PLCXD3: variants seen among roughly 807,000 people sequenced by gnomAD.
PLCXD3 encodes phosphatidylinositol specific phospholipase C X domain containing 3, also known as PI-PLC X domain-containing protein 3.
In PLCXD3, 19 loss-of-function variants were observed where a neutral mutation model predicts 25.5. The ratio of observed to expected loss-of-function variants is 0.75; its 90% confidence interval spans 0.52 to 1.09. PLCXD3 has a LOEUF of 1.09. PLCXD3 is among the 50% of genes least tolerant of loss of function. The pLI is 0.00. For missense variants in PLCXD3, 411 were observed against 388.1 expected (o/e 1.06, Z -0.50); for synonymous variants, 174 against 137.6 (o/e 1.26, Z -1.85).
intron 1 of PLCXD3, among the ~76,000 whole-genome samples, chr5:41,499,189 T>C (rs1451842291): frequency 6.6e-6 from 1 of 151,364 alleles, no homozygotes; most frequent in South Asian, 2.1e-4. Context: ...AGAAAATGTA[T>C]CTAAATAGAA....
intron 2 of PLCXD3, among the ~76,000 whole-genome samples, chr5:41,323,300 T>C (rs927040503): frequency 1.3e-5 from 2 of 152,178 alleles, no homozygotes; most frequent in Non-Finnish European, 2.9e-5. Flanking sequence ...TGAGATCTAT[T>C]TGATAGCACA....
chr5:41,400,174 A>G (rs1336412295), intron 1 of PLCXD3, among the ~76,000 whole-genome samples: 4 of 152,228 alleles, frequency 2.6e-5, no homozygotes, highest in Non-Finnish European at 4.4e-5. Flanking sequence ...CTTATATACA[A>G]AGAGAGCCAA....
chr5:41,341,328 C>T (rs1439567026), intron 2 of PLCXD3, among the ~76,000 whole-genome samples: 1 of 152,158 alleles, frequency 6.6e-6, no homozygotes, highest in Admixed American at 6.5e-5. Flanking sequence ...GAAACCAAGA[C>T]TGTGACTCCA....
chr5:41,483,438 C>G (rs1003331929), intron 1 of PLCXD3, among the ~76,000 whole-genome samples: 5 of 151,964 alleles, frequency 3.3e-5, no homozygotes, highest in Admixed American at 2.0e-4. Context: ...TGTTTCTGAG[C>G]CTTGAGACCC....
In PLCXD3 at chr5:41,423,009, T is replaced by TA. The variant is rs535674158; in HGVS notation, c.104-40476dup. 3.5e-4 allele frequency among the ~76,000 whole-genome samples: 53 copies of TA among 152,118 alleles called. 1 individual carries two copies. The East Asian group carries it at 8.9e-3, about 25-fold the overall frequency. On this transcript the variant is annotated intron_variant, in intron 1 of 2. Coordinates refer to ENST00000377801, the MANE Select transcript of PLCXD3 (RefSeq NM_001005473.3). ...AATTTTCTAAAAAGTATTAATTTTT[T>TA]AAAAAAAATTATGAATGGGTGTTGA...
intron 1 of PLCXD3, among the ~76,000 whole-genome samples, chr5:41,438,802 G>GAA (rs35050344): frequency 5.2e-5 from 7 of 133,774 alleles, no homozygotes; most frequent in African/African-American, 1.2e-4. Context: ...CTGTCATTAG[G>GAA]AAAAAAAAAA....
At chr5:41,360,003 C>G (rs746561957) in intron 2 of PLCXD3, among the ~76,000 whole-genome samples, 1 of 152,170 alleles carries the variant, frequency 6.6e-6, no homozygotes, top group Non-Finnish European at 1.5e-5. Context: ...AACACAGTCA[C>G]AAACTTCTCG....
At chr5:41,458,670 A>T (rs969523233) in intron 1 of PLCXD3, among the ~76,000 whole-genome samples, 2 of 151,950 alleles carry the variant, frequency 1.3e-5, no homozygotes, top group Non-Finnish European at 2.9e-5. Context: ...TCCCATGGAA[A>T]TCTGAATGCT....
In PLCXD3 at chr5:41,375,333, C is replaced by T. The variant is rs375803576; in HGVS notation, c.812+6493G>A. Among the ~76,000 whole-genome samples the T allele has an allele frequency of 1.2e-4, 19 of 152,188 alleles. No individual in the cohort carries two copies. In the South Asian group the frequency reaches 1.9e-3, roughly 15 times the overall value. ...AGCCCTTCCATGTTAGTATGTGCAG[C>T]CTGGTATGCTCTGCCCCCTTCACCC... On this transcript the variant is annotated intron_variant, in intron 2 of 2. Transcript: ENST00000377801.
intron 1 of PLCXD3, among the ~76,000 whole-genome samples, chr5:41,492,883 C>T (rs1233046432): frequency 6.6e-6 from 1 of 152,200 alleles, no homozygotes; most frequent in Non-Finnish European, 1.5e-5. Flanking sequence ...GAATTTCCTC[C>T]TGTAGCTCAG....
chr5:41,450,956 T>C (rs1170760929), intron 1 of PLCXD3, among the ~76,000 whole-genome samples: 3 of 151,990 alleles, frequency 2.0e-5, no homozygotes, highest in Non-Finnish European at 4.4e-5. Context: ...AAGTTGGAGG[T>C]TGAGCTTCCT....
rs151068351 is a variant in PLCXD3 at position 41,409,431 on chromosome 5, G to T, written c.104-26897C>A. On this transcript the variant is annotated intron_variant, in intron 1 of 2. Coordinates refer to ENST00000377801, the MANE Select transcript of PLCXD3 (RefSeq NM_001005473.3). Reference sequence around the variant, plus strand: ...TGCCTGCGATACTCTGCCCCTCATTGTGTGCATGGCTAGCACCTTTTCATT... The same window carrying T: ...TGCCTGCGATACTCTGCCCCTCATTTTGTGCATGGCTAGCACCTTTTCATT... Among the ~76,000 whole-genome samples, 710 of 152,224 alleles carry T rather than the reference G, an allele frequency of 4.7e-3. 9 individuals carry two copies. Among genetic ancestry groups the T allele is most frequent in the African/African-American group, 0.016 (675 of 41,548 alleles).
At chr5:41,400,000 G>A (rs1459168949) in intron 1 of PLCXD3, among the ~76,000 whole-genome samples, 4 of 151,974 alleles carry the variant, frequency 2.6e-5, no homozygotes, top group African/African-American at 7.2e-5. Context: ...TAGGAATAAA[G>A]CTAATAATCC....
At chr5:41,358,541 G>A (rs1326148772) in intron 2 of PLCXD3, among the ~76,000 whole-genome samples, 1 of 152,140 alleles carries the variant, frequency 6.6e-6, no homozygotes, top group Non-Finnish European at 1.5e-5. Flanking sequence ...ACTTATAAGT[G>A]AGAACATATG....
Position 41,310,218 on chromosome 5 carries a change from T to C in PLCXD3, c.*3399A>G, listed in dbSNP as rs1743102451. ...TGCATTTACATTATTGTGTGGTAAATAGGGAGACATAAATGATAATGGCAG... is the reference window on the plus strand; with the variant it reads ...TGCATTTACATTATTGTGTGGTAAACAGGGAGACATAAATGATAATGGCAG... On this transcript the variant is annotated 3_prime_UTR_variant, in exon 3 of 3. Transcript: ENST00000377801. 2 of 152,090 alleles carry C rather than the reference T, an allele frequency of 1.3e-5. No individual in the cohort carries two copies. The highest frequency in any genetic ancestry group is 4.8e-5 in the African/African-American group (2 of 41,410). 9.4% of individuals were successfully genotyped at this position (152,090 alleles called of 1,614,324 possible). A position where few individuals can be genotyped will look rare whatever the true frequency, so the allele number is the denominator to read the frequency against.
intron 2 of PLCXD3, among the ~76,000 whole-genome samples, chr5:41,332,537 G>T (rs1048747919): frequency 7.2e-5 from 11 of 152,222 alleles, no homozygotes; most frequent in Admixed American, 5.9e-4. Flanking sequence ...TCAGTGTGGT[G>T]ATTCCTCAGG....
chr5:41,496,123 A>G (rs932291852), intron 1 of PLCXD3, among the ~76,000 whole-genome samples: 1 of 152,124 alleles, frequency 6.6e-6, no homozygotes, highest in Non-Finnish European at 1.5e-5. Context: ...TCAAGCAGAA[A>G]AATATTGCTA....
intron 2 of PLCXD3, among the ~76,000 whole-genome samples, chr5:41,343,295 A>G (rs901647482): frequency 1.3e-5 from 2 of 152,148 alleles, no homozygotes; most frequent in South Asian, 2.1e-4. Flanking sequence ...TTCAAGTGGA[A>G]TAACCTTTGT....
chr5:41,365,800 T>G (rs1407793919), intron 2 of PLCXD3, among the ~76,000 whole-genome samples: 4 of 152,122 alleles, frequency 2.6e-5, no homozygotes, highest in Admixed American at 2.6e-4. Context: ...TTTTAATGTT[T>G]CATTCACTTT....
Sources: allele counts gnomAD v4.1 joint callset (sites outside exome capture counted in the v4.1 genomes callset), GRCh38; gene constraint gnomAD v4.1.1; transcripts MANE v1.5; gene names NCBI Gene and HGNC (gene_info 2026-07-23, HGNC 2026-07-21).